The following MRE11 variants were observed in gnomAD, a reference collection of about 807,000 sequenced individuals.
MRE11 encodes MRE11 double strand break repair nuclease.
A neutral mutation model predicts 91.7 loss-of-function variants in MRE11; 62 were observed. The observed-to-expected ratio is 0.68, with a 90% CI of 0.55 to 0.84. The LOEUF (loss-of-function observed/expected upper bound fraction) is 0.84. Among genes scored for constraint, MRE11 ranks in the 40% least tolerant of loss-of-function variants. The pLI is 0.00. For synonymous variants in MRE11, 273 were observed against 271.4 expected, an observed-to-expected ratio of 1.01 and a Z score of -0.06; for missense variants, 796 against 852.9, an observed-to-expected ratio of 0.93 and a Z score of 0.83.
chr11:94,452,268 A>G (rs1280073120), intron 14 of MRE11, among the ~76,000 whole-genome samples: 1 of 152,052 alleles, frequency 6.6e-6, no homozygotes, highest in Non-Finnish European at 1.5e-5. Context: ...CAAAATGACC[A>G]TGTGTTTCAT....
At chr11:94,486,812 G>C (rs1259143002) in intron 3 of MRE11, among the ~76,000 whole-genome samples, 4 of 152,162 alleles carry the variant, frequency 2.6e-5, no homozygotes, top group Non-Finnish European at 4.4e-5. Flanking sequence ...AAAGATAAAT[G>C]ATTGTGAGGA....
chr11:94,444,624 A>G (rs1305460945), intron 16 of MRE11, among the ~76,000 whole-genome samples: 1 of 152,154 alleles, frequency 6.6e-6, no homozygotes, highest in African/African-American at 2.4e-5. Flanking sequence ...GTATGCCTGC[A>G]TAACTCTTAC....
At chr11:94,511,576 G>A in the MRE11 span, among the ~76,000 whole-genome samples, 4 of 152,164 alleles carry the variant, frequency 2.6e-5, no homozygotes, top group Non-Finnish European at 4.4e-5. Flanking sequence ...GTCTTTCATC[G>A]TAGGAAATCA....
intron 16 of MRE11, among the ~76,000 whole-genome samples, chr11:94,440,456 C>T (rs1030059546): frequency 6.6e-6 from 1 of 151,516 alleles, no homozygotes; most frequent in South Asian, 2.1e-4. Flanking sequence ...TTCTCAATGG[C>T]ATTGAAGAGC....
At chr11:94,469,192 G>A (rs550765038) in intron 9 of MRE11, among the ~76,000 whole-genome samples, 1 of 152,252 alleles carries the variant, frequency 6.6e-6, no homozygotes, top group East Asian at 1.9e-4. Flanking sequence ...AAAGCCCACA[G>A]GATTTAGGTG....
Position 94,415,831 on chromosome 11 carries a change from G to C in MRE11, c.*4294C>G, listed in dbSNP as rs1945021733. ...ATCGATTGATGGATAGATTGATTGA[G>C]ACAGAGTCTTGCTCTGTTGCCCAGG... On this transcript the variant is annotated 3_prime_UTR_variant, in exon 20 of 20. Transcript: ENST00000323929. 6.6e-6 allele frequency: 1 copy of C among 152,386 alleles called. No homozygotes were observed. The highest frequency in any genetic ancestry group is 1.9e-4 in the East Asian group (1 of 5,184). The allele number at this position is 152,386 out of a possible 1,614,324, so 9.4% of individuals were successfully genotyped here.
intron 13 of MRE11, among the ~76,000 whole-genome samples, chr11:94,459,167 T>C (rs1946346646): frequency 6.6e-6 from 1 of 152,194 alleles, no homozygotes. Context: ...TCAAAGGATC[T>C]TTAAGAGAAG....
intron 3 of MRE11, among the ~76,000 whole-genome samples, chr11:94,488,095 A>C (rs565883651): frequency 3.9e-5 from 6 of 152,258 alleles, no homozygotes; most frequent in African/African-American, 1.4e-4. Context: ...GAAGAGAAAC[A>C]GTAGAAGCAG....
In MRE11 at chr11:94,447,303, T is replaced by G; in HGVS notation, c.1699A>C (p.Asn567His). The change falls in exon 15 of 20, where the codon AAC becomes CAC. Residue 567 changes from asparagine (N) to histidine (H), a missense_variant. By Grantham distance (68) the Asn-to-His change is moderately conservative. Coordinates refer to ENST00000323929, the MANE Select transcript of MRE11 (RefSeq NM_005591.4). ...CCTCTTCCTCGGCCTCTTCCTTTGT[T>G]GGTTGCTGCTGAGATGCTATCATCA... ...DSDDSISAATNKGRGRGRGRR... is the reference protein window; with the variant it reads ...DSDDSISAATHKGRGRGRGRR... 1 of 1,614,090 alleles carries G rather than the reference T, an allele frequency of 6.2e-7. No individual in the cohort carries two copies. The highest frequency in any genetic ancestry group is 8.5e-7 in the Non-Finnish European group (1 of 1,179,998).
chr11:94,501,140 CT>C, the MRE11 span, among the ~76,000 whole-genome samples: 1 of 152,154 alleles, frequency 6.6e-6, no homozygotes, highest in African/African-American at 2.4e-5. Flanking sequence ...TAAGGTCTAT[CT>C]TTATTAAGTT....
At chr11:94,441,973 G>T (rs1297481146) in intron 16 of MRE11, among the ~76,000 whole-genome samples, 8 of 93,468 alleles carry the variant, frequency 8.6e-5, no homozygotes, top group South Asian at 4.0e-4. Context: ...GAGAGACTCT[G>T]TCTCAAAAAA....
intron 16 of MRE11, chr11:94,445,596 C>T: frequency 4.1e-6 from 2 of 489,310 alleles, no homozygotes; most frequent in Non-Finnish European, 7.5e-6. Context: ...GTGTGATCCA[C>T]TGTGCCTGGC....
Position 94,479,586 on chromosome 11 carries a change from A to G in MRE11, c.402+88T>C, listed in dbSNP as rs916522665. 45 of 1,132,648 alleles carry G rather than the reference A, an allele frequency of 4.0e-5. 1 individual carries two copies. Among genetic ancestry groups the G allele is most frequent in the Middle Eastern group, 2.0e-4 (1 of 5,112 alleles). 70.2% of individuals were successfully genotyped at this position (1,132,648 alleles called of 1,614,324 possible). ...ACTTTTGACTCAATTTGACTACACA[A>G]TGAGAAAAAGGGAAGGCATGCTTTC... is the stretch of plus-strand genomic sequence containing the variant. On this transcript the variant is annotated intron_variant, in intron 5 of 19. Coordinates refer to ENST00000323929, the MANE Select transcript of MRE11 (RefSeq NM_005591.4).
chr11:94,503,681 G>C, the MRE11 span, among the ~76,000 whole-genome samples: 2 of 149,862 alleles, frequency 1.3e-5, no homozygotes, highest in Non-Finnish European at 3.0e-5. Context: ...AGGCAACAGA[G>C]TGAGACTCCG....
At chr11:94,477,703 T>C (rs190568500) in intron 6 of MRE11, among the ~76,000 whole-genome samples, 2 of 152,290 alleles carry the variant, frequency 1.3e-5, no homozygotes, top group East Asian at 3.9e-4. Flanking sequence ...TACTTGAGTG[T>C]TGAAACACTA....
chr11:94,443,038 G>C (rs1039426516), intron 16 of MRE11, among the ~76,000 whole-genome samples: 2 of 152,104 alleles, frequency 1.3e-5, no homozygotes, highest in African/African-American at 4.8e-5. Context: ...TATAGCAATG[G>C]AATTTTTTGT....
At chr11:94,462,510 C>G (rs1425850637) in intron 11 of MRE11, among the ~76,000 whole-genome samples, 2 of 152,072 alleles carry the variant, frequency 1.3e-5, no homozygotes, top group South Asian at 2.1e-4. Context: ...GAGGCATCAC[C>G]CTACCTGACT....
At chr11:94,505,589 T>G in the MRE11 span, among the ~76,000 whole-genome samples, 3 of 152,306 alleles carry the variant, frequency 2.0e-5, no homozygotes, top group South Asian at 6.2e-4. Flanking sequence ...AAAATTAAGT[T>G]TATAAAGTAA....
intron 14 of MRE11, 149 bp downstream of exon 14, chr11:94,456,127 T>C: frequency 1.5e-6 from 1 of 688,264 alleles, no homozygotes; most frequent in Admixed American, 2.5e-5. Context: ...TAGGCTGAAC[T>C]GAAATCAACC....
Sources: gnomAD v4.1 joint callset for allele counts (sites outside exome capture counted in the v4.1 genomes callset) on GRCh38, gnomAD v4.1.1 for gene constraint, MANE v1.5 for transcripts, NCBI Gene and HGNC (gene_info 2026-07-23, HGNC 2026-07-21) for gene names.